Variants in DCDC1 observed in about 807,000 individuals in gnomAD.
DCDC1 encodes doublecortin domain containing 1, also known as doublecortin domain-containing protein 1.
DCDC1 carries 200 observed loss-of-function variants against 178.3 expected under a neutral mutation model. The observed-to-expected ratio is 1.12, with a 90% CI of 1.00 to 1.26. The LOEUF is 1.26. Among genes scored for constraint, DCDC1 ranks in the 50% most tolerant of loss-of-function variants. The pLI is 0.00. For missense variants in DCDC1, 1,983 were observed against 1,749.2 expected (o/e 1.13, Z -2.38); for synonymous variants, 690 against 604.8 (o/e 1.14, Z -2.07).
chr11:31,080,960 C>G (rs773361007), intron 17 of DCDC1, among the ~76,000 whole-genome samples: 2 of 152,080 alleles, frequency 1.3e-5, no homozygotes, highest in Non-Finnish European at 2.9e-5. Flanking sequence ...GTCTTTTTAT[C>G]GAATTACGGT....
intron 20 of DCDC1, among the ~76,000 whole-genome samples, chr11:30,976,658 C>T (rs1950121021): frequency 6.6e-6 from 1 of 151,980 alleles, no homozygotes; most frequent in Non-Finnish European, 1.5e-5. Flanking sequence ...GTTAGAATGG[C>T]TATTATTAAA....
intron 20 of DCDC1, among the ~76,000 whole-genome samples, chr11:30,985,485 T>C (rs889414590): frequency 2.0e-5 from 3 of 152,180 alleles, no homozygotes; most frequent in Non-Finnish European, 4.4e-5. Flanking sequence ...AATTAAGATA[T>C]AATTCACATA....
intron 1 of DCDC1, among the ~76,000 whole-genome samples, chr11:31,341,399 A>G (rs1465447018): frequency 2.1e-5 from 3 of 139,644 alleles, no homozygotes; most frequent in Non-Finnish European, 4.7e-5. Flanking sequence ...AGATAGATAG[A>G]TAGATAGATA....
chr11:31,123,209 A>G (rs1198593413), intron 11 of DCDC1, among the ~76,000 whole-genome samples: 1 of 152,114 alleles, frequency 6.6e-6, no homozygotes, highest in African/African-American at 2.4e-5. Context: ...TCTGACCACA[A>G]CCAATTTTCA....
At chr11:31,195,154 G>GTC (rs796769092) in intron 9 of DCDC1, among the ~76,000 whole-genome samples, 26 of 152,202 alleles carry the variant, frequency 1.7e-4, no homozygotes, top group African/African-American at 6.3e-4. Flanking sequence ...AAAGCCAGCA[G>GTC]TCTCCTACAA....
chr11:31,093,959 C>A, intron 16 of DCDC1, 91 bp downstream of exon 16: 2 of 700,744 alleles, frequency 2.9e-6, no homozygotes, highest in South Asian at 1.6e-5. Flanking sequence ...CACTTGTATG[C>A]CCATGTGCAT....
chr11:30,900,957 A>G (rs777785063), intron 32 of DCDC1, among the ~76,000 whole-genome samples: 2 of 152,098 alleles, frequency 1.3e-5, no homozygotes, highest in African/African-American at 4.8e-5. Flanking sequence ...TGTTTGGTCT[A>G]TTTACTCTGA....
chr11:31,081,759 T>C (rs1957190333), intron 17 of DCDC1, among the ~76,000 whole-genome samples: 1 of 152,212 alleles, frequency 6.6e-6, no homozygotes, highest in Admixed American at 6.5e-5. Flanking sequence ...ATATAATCTA[T>C]AACCTCTGGG....
intron 17 of DCDC1, among the ~76,000 whole-genome samples, chr11:31,086,472 A>AT (rs1405210950): frequency 6.6e-6 from 1 of 152,168 alleles, no homozygotes; most frequent in African/African-American, 2.4e-5. Flanking sequence ...ACTTGCAAAT[A>AT]TTTGCATCTT....
chr11:31,364,317 A>G (rs924260536), intron 1 of DCDC1, among the ~76,000 whole-genome samples: 4 of 152,312 alleles, frequency 2.6e-5, no homozygotes, highest in Admixed American at 2.6e-4. Context: ...GTGTAGTTGG[A>G]AAGTGCATAG....
rs1410239923 is a variant in DCDC1, at chr11:31,017,030, T to C, written c.2591+47439A>G. Reference sequence around the variant, plus strand: ...GTCATAATTTTAAAAACTTGGTATGTAGTCCAAAATGTGAATATGTATTTA... The same window carrying C: ...GTCATAATTTTAAAAACTTGGTATGCAGTCCAAAATGTGAATATGTATTTA... On this transcript the variant is annotated intron_variant, in intron 20 of 38. Coordinates refer to ENST00000684477, the MANE Select transcript of DCDC1 (RefSeq NM_001387274.1). Among the ~76,000 whole-genome samples the C allele has an allele frequency of 2.6e-5, 4 of 152,308 alleles. No individual in the cohort carries two copies. The East Asian group carries it at 5.8e-4, about 22-fold the overall frequency.
chr11:30,900,473 G>T lies in DCDC1; in HGVS notation c.4536C>A (p.Asn1512Lys). 6.5e-7 allele frequency: 1 copy of T among 1,544,104 alleles called. No homozygotes were observed. Among genetic ancestry groups the T allele is most frequent in the South Asian group, 1.3e-5 (1 of 77,910 alleles). The part of the protein sequence containing the change: ...MEENPRMKVK[N>K]RLFAKSVTSD... ...ATGTCACAGATTTTGCAAATAATCT[G>T]TTTTTCACTTTCATTCTTGGATTTT... The change falls in exon 33 of 39, where the codon AAC becomes AAA. Residue 1512 changes from asparagine (N) to lysine (K), a missense_variant. Physicochemically the swap from Asn to Lys is moderately conservative, Grantham distance 94. Transcript: ENST00000684477.
intron 17 of DCDC1, among the ~76,000 whole-genome samples, chr11:31,081,357 C>A (rs1957155022): frequency 6.6e-6 from 1 of 152,090 alleles, no homozygotes; most frequent in Non-Finnish European, 1.5e-5. Context: ...CGCCTGTAAT[C>A]CCAGCACTTT....
intron 25 of DCDC1, among the ~76,000 whole-genome samples, chr11:30,917,637 G>A (rs1945942433): frequency 6.6e-6 from 1 of 152,124 alleles, no homozygotes; most frequent in Admixed American, 6.6e-5. Flanking sequence ...AGATATAAAG[G>A]GGATCAGTAG....
intron 8 of DCDC1, among the ~76,000 whole-genome samples, chr11:31,252,174 T>C (rs886377775): frequency 2.0e-5 from 3 of 152,148 alleles, no homozygotes; most frequent in African/African-American, 7.2e-5. Flanking sequence ...ATACTGTAAA[T>C]CTCTGCCCTA....
chr11:31,293,590 C>T (rs1022591981), intron 6 of DCDC1, among the ~76,000 whole-genome samples: 1 of 151,876 alleles, frequency 6.6e-6, no homozygotes, highest in Non-Finnish European at 1.5e-5. Flanking sequence ...AGTCCCAGCC[C>T]TGGCTGAAAC....
intron 9 of DCDC1, among the ~76,000 whole-genome samples, chr11:31,233,275 G>A (rs1218189454): frequency 2.0e-5 from 3 of 152,042 alleles, no homozygotes; most frequent in Non-Finnish European, 4.4e-5. Context: ...CATAGAATCT[G>A]TATCACATAT....
chr11:31,152,548 A>G (rs1965276799), intron 9 of DCDC1, among the ~76,000 whole-genome samples: 1 of 152,238 alleles, frequency 6.6e-6, no homozygotes, highest in South Asian at 2.1e-4. Flanking sequence ...TTCTGTGCTT[A>G]CTAAAGTCCT....
At chr11:30,925,562 T>C (rs781279710) in intron 22 of DCDC1, among the ~76,000 whole-genome samples, 154 bp from the exon 23 acceptor site, 4 of 152,120 alleles carry the variant, frequency 2.6e-5, no homozygotes, top group Non-Finnish European at 5.9e-5. Flanking sequence ...ATCAGACCCA[T>C]TTGAGTCTCA....
Sources: allele counts gnomAD v4.1 joint callset (sites outside exome capture counted in the v4.1 genomes callset), GRCh38; gene constraint gnomAD v4.1.1; transcripts MANE v1.5; gene names NCBI Gene and HGNC (gene_info 2026-07-23, HGNC 2026-07-21).